Variants in SHANK2 observed in about 807,000 individuals in gnomAD.
The protein encoded by SHANK2 is SH3 and multiple ankyrin repeat domains protein 2.
A neutral mutation model predicts 133.7 loss-of-function variants in SHANK2; 43 were observed. The ratio of observed to expected loss-of-function variants is 0.32; its 90% CI spans 0.25 to 0.41. The LOEUF (loss-of-function observed/expected upper bound fraction) is 0.41, where lower values mean the gene tolerates loss of function less well. Among genes scored for constraint, SHANK2 ranks in the 10% least tolerant of loss-of-function variants. The pLI, the probability that SHANK2 is intolerant of heterozygous loss-of-function variation, is 1.00. For synonymous variants in SHANK2, 1,017 were observed against 952.8 expected, an observed-to-expected ratio of 1.07 and a Z score of -1.24; for missense variants, 1,994 against 2,235.8, an observed-to-expected ratio of 0.89 and a Z score of 2.18.
intron 2 of SHANK2, among the ~76,000 whole-genome samples, chr11:71,191,048 T>C (rs1490916620): frequency 6.6e-6 from 1 of 151,878 alleles, no homozygotes; most frequent in East Asian, 1.9e-4. Flanking sequence ...GGCTCACGCC[T>C]GTAATCCAGG....
At chr11:70,817,092 G>A (rs1482978423) in intron 12 of SHANK2, among the ~76,000 whole-genome samples, 6 of 152,218 alleles carry the variant, frequency 3.9e-5, no homozygotes, top group African/African-American at 1.4e-4. Context: ...GCACCTGCAT[G>A]CCCCACCCTC....
intron 2 of SHANK2, among the ~76,000 whole-genome samples, chr11:71,180,330 G>T (rs1555113603): frequency 6.6e-6 from 1 of 152,114 alleles, no homozygotes; most frequent in Non-Finnish European, 1.5e-5. Context: ...TTATCAAGAG[G>T]TACAGGATAG....
intron 14 of SHANK2, among the ~76,000 whole-genome samples, chr11:70,745,202 C>G (rs527723110): frequency 9.8e-5 from 15 of 152,368 alleles, no homozygotes; most frequent in African/African-American, 3.6e-4. Flanking sequence ...TGCTAGTGAG[C>G]CCCGCCTTTC....
At chr11:70,947,558 G>A (rs1053153190) in intron 10 of SHANK2, among the ~76,000 whole-genome samples, 27 of 152,016 alleles carry the variant, frequency 1.8e-4, no homozygotes, top group Non-Finnish European at 2.8e-4. Flanking sequence ...TAGAGACGGG[G>A]TTTCACCATG....
At chr11:70,758,254 G>C (rs1253815859) in intron 14 of SHANK2, among the ~76,000 whole-genome samples, 1 of 152,182 alleles carries the variant, frequency 6.6e-6, no homozygotes, top group African/African-American at 2.4e-5. Context: ...CGTTGTATGG[G>C]AGCTCTGTTT....
At chr11:70,720,839 A>C (rs552282780) in intron 14 of SHANK2, among the ~76,000 whole-genome samples, 1 of 152,336 alleles carries the variant, frequency 6.6e-6, no homozygotes, top group African/African-American at 2.4e-5. Flanking sequence ...ATGCAAACAC[A>C]TCTTCACACA....
intron 17 of SHANK2, among the ~76,000 whole-genome samples, chr11:70,560,682 A>C (rs1480720378): frequency 6.6e-6 from 1 of 151,226 alleles, no homozygotes; most frequent in African/African-American, 2.4e-5. Flanking sequence ...CCCAGGCTGG[A>C]GCGCAGTGGC....
At chr11:70,895,445 G>A (rs919561668) in intron 11 of SHANK2, 16 of 152,614 alleles carry the variant, frequency 1.0e-4, no homozygotes, top group African/African-American at 1.7e-4. Flanking sequence ...CTGTGGAAGC[G>A]CGGGGCTGGA....
In SHANK2 at chr11:70,950,448, C is replaced by T. The variant is rs948062297; in HGVS notation, c.1108-53881G>A. 7.2e-5 allele frequency among the ~76,000 whole-genome samples: 11 copies of T among 152,324 alleles called. No individual in the cohort carries two copies. In the South Asian group the frequency reaches 2.1e-3, roughly 29 times the overall value. ...TCAGGTGATCCGCCCGCTTCAGCCCCCCAAAGTGCTGGGATTACAGGCGTG... is the reference window on the plus strand; with the variant it reads ...TCAGGTGATCCGCCCGCTTCAGCCCTCCAAAGTGCTGGGATTACAGGCGTG... On this transcript the variant is annotated intron_variant, in intron 10 of 25. Coordinates refer to ENST00000601538, the MANE Select transcript of SHANK2 (RefSeq NM_012309.5).
At chr11:71,150,770 C>T (rs115880446) in intron 2 of SHANK2, among the ~76,000 whole-genome samples, 7,639 of 152,008 alleles carry the variant, frequency 0.05, 392 homozygotes, top group African/African-American at 0.13. Context: ...CTCTCGGCTG[C>T]GTGGAGTGGG....
chr11:70,899,310 C>A (rs1477032546), intron 10 of SHANK2, among the ~76,000 whole-genome samples: 1 of 152,176 alleles, frequency 6.6e-6, no homozygotes, highest in Non-Finnish European at 1.5e-5. Flanking sequence ...TCTGGCATTT[C>A]CCCTGCTGAC....
At chr11:70,492,558 A>T (rs1565535176) in intron 21 of SHANK2, 93 bp from the exon 22 acceptor site, 1 of 1,520,726 alleles carries the variant, frequency 6.6e-7, no homozygotes, top group Non-Finnish European at 9.0e-7. Context: ...CCACTCCAAC[A>T]TCCAAAACTG....
chr11:71,241,126 C>G (rs1023809299), intron 1 of SHANK2, among the ~76,000 whole-genome samples: 2 of 152,194 alleles, frequency 1.3e-5, no homozygotes, highest in Admixed American at 6.5e-5. Flanking sequence ...ACGGTGAAAG[C>G]CCCGGGCTAG....
chr11:70,676,910 G>A (rs2134360890), intron 15 of SHANK2, among the ~76,000 whole-genome samples: 1 of 152,220 alleles, frequency 6.6e-6, no homozygotes, highest in South Asian at 2.1e-4. Flanking sequence ...ATGAACTTTG[G>A]TTCAGAAAAC....
At position 70,505,211 on chromosome 11, in the gene SHANK2, G is replaced by C. The variant is rs1225199755; in HGVS notation, c.2062-2280C>G. Among the ~76,000 whole-genome samples the C allele has an allele frequency of 2.0e-5, 3 of 152,204 alleles. No homozygotes were observed. In the South Asian group the frequency reaches 6.2e-4, roughly 32 times the overall value. On this transcript the variant is annotated intron_variant, in intron 17 of 25. Coordinates refer to ENST00000601538, the MANE Select transcript of SHANK2 (RefSeq NM_012309.5). Reference sequence around the variant, plus strand: ...GAATGGGCAAGGAAGCGGTAGGCAGGGGGGCGCAGAAAAGGCCAAGGCCTG... The same window carrying C: ...GAATGGGCAAGGAAGCGGTAGGCAGCGGGGCGCAGAAAAGGCCAAGGCCTG...
At chr11:70,764,312 C>A (rs370899834) in intron 14 of SHANK2, among the ~76,000 whole-genome samples, 3 of 147,406 alleles carry the variant, frequency 2.0e-5, no homozygotes, top group Admixed American at 1.4e-4. Flanking sequence ...CATCCTTTAT[C>A]CCTCCCTCCT....
At chr11:70,886,179 C>G (rs1949741552) in intron 11 of SHANK2, among the ~76,000 whole-genome samples, 1 of 152,174 alleles carries the variant, frequency 6.6e-6, no homozygotes, top group African/African-American at 2.4e-5. Flanking sequence ...GCAGGTCAGT[C>G]CCAACAGACA....
At chr11:71,153,977 A>AAAC (rs1952852092) in intron 2 of SHANK2, among the ~76,000 whole-genome samples, 1 of 151,944 alleles carries the variant, frequency 6.6e-6, no homozygotes, top group Non-Finnish European at 1.5e-5. Flanking sequence ...CTCAAAAAAT[A>AAAC]AACAACAACA....
chr11:70,626,738 T>C (rs2060910449), intron 17 of SHANK2, among the ~76,000 whole-genome samples: 1 of 152,194 alleles, frequency 6.6e-6, no homozygotes, highest in Non-Finnish European at 1.5e-5. Context: ...GTAGCAGCCC[T>C]GAAAGGTCCA....
Sources: gnomAD v4.1 joint callset for allele counts (sites outside exome capture counted in the v4.1 genomes callset) on GRCh38, gnomAD v4.1.1 for gene constraint, MANE v1.5 for transcripts, NCBI Gene and HGNC (gene_info 2026-07-23, HGNC 2026-07-21) for gene names.